FBXL22: variants seen among roughly 807,000 people sequenced by gnomAD.
FBXL22 encodes F-box and leucine-rich protein 22.
Under a neutral mutation model 11.7 loss-of-function variants are expected in FBXL22, and 13 were observed. The ratio of observed to expected loss-of-function variants is 1.11; its 90% confidence interval spans 0.73 to 1.77. The LOEUF is 1.77. FBXL22 is among the 40% of genes most tolerant of loss of function. The pLI, the probability that FBXL22 is intolerant of heterozygous loss-of-function variation, is 0.00. For synonymous variants in FBXL22, 160 were observed against 144.1 expected, an observed-to-expected ratio of 1.11 and a Z score of -0.79; for missense variants, 406 against 320.4, an observed-to-expected ratio of 1.27 and a Z score of -2.04.
At chr15:63,601,846 T>A, downstream of FBXL22, 1 of 1,073,684 alleles carries the variant, frequency 9.3e-7, no homozygotes, top group East Asian at 2.9e-5. Context: ...CAGCCCTGGC[T>A]AAGCTTTTGA....
chr15:63,602,825 G>A (rs796502539), downstream of FBXL22, among the ~76,000 whole-genome samples: 14 of 152,286 alleles, frequency 9.2e-5, no homozygotes, highest in African/African-American at 3.4e-4. Flanking sequence ...CATGGCTCAT[G>A]TGCAAGGAGA....
downstream of FBXL22, among the ~76,000 whole-genome samples, chr15:63,606,094 G>C (rs778333678): frequency 6.6e-6 from 1 of 152,190 alleles, no homozygotes; most frequent in Non-Finnish European, 1.5e-5. Context: ...GGAAGCAGAG[G>C]CTCCCAGTTC....
chr15:63,605,603 GCATAT>G (rs532373914), downstream of FBXL22, among the ~76,000 whole-genome samples: 19 of 152,322 alleles, frequency 1.2e-4, no homozygotes, highest in South Asian at 6.2e-4. Flanking sequence ...GAAGCCCAAG[GCATAT>G]CCAGGGAAGG....
chr15:63,597,850 G>C lies in FBXL22; in HGVS notation c.353+105G>C. The C allele has an allele frequency of 8.8e-7, 1 of 1,140,266 alleles. No individual in the cohort carries two copies. The highest frequency in any genetic ancestry group is 1.2e-6 in the Non-Finnish European group (1 of 825,960). The allele number at this position is 1,140,266 out of a possible 1,614,324, so 70.6% of individuals were successfully genotyped here. ...CGAGACCAAGATGGCTCCACCTTCG[G>C]GGCGCCTCAAACTAGGCCCAAGGCA... On this transcript the variant is annotated intron_variant, in intron 1 of 1. Transcript: ENST00000638704. The surrounding 1 kb of genome is among the most constrained non-coding windows in gnomAD (Gnocchi z 4.3).
At position 63,597,531 on chromosome 15, in the gene FBXL22, G is replaced by A. The variant is rs546862368; in HGVS notation, c.139G>A (p.Ala47Thr). 288 of 1,614,058 alleles carry A rather than the reference G, an allele frequency of 1.8e-4. 3 individuals are homozygous for A. In the Admixed American group the frequency reaches 3.6e-3, roughly 20 times the overall value. ...GCTCCACGACGTGTTTGAGGACCCC[G>A]CACTCTGGTCCCTGCTGCACTTCCG... ...SQLHDVFEDP[A>T]LWSLLHFRSL... The change falls in exon 1 of 2, where the codon GCA becomes ACA. Residue 47 changes from alanine to threonine, a missense_variant. By Grantham distance (58) the Ala-to-Thr change is moderately conservative. Coordinates refer to ENST00000638704, the MANE Select transcript of FBXL22 (RefSeq NM_001367807.1). The surrounding 1 kb of genome is among the most constrained non-coding windows in gnomAD (Gnocchi z 4.3).
downstream of FBXL22, among the ~76,000 whole-genome samples, chr15:63,606,062 G>A (rs1020906212): frequency 3.9e-5 from 6 of 152,206 alleles, no homozygotes; most frequent in African/African-American, 1.4e-4. Context: ...AGCCACCCCG[G>A]CTCTACCACG....
In FBXL22 at chr15:63,600,793, A is replaced by C. The variant is rs1595796368; in HGVS notation, c.450A>C (p.Ala150=). Residue 150 remains alanine, a synonymous_variant, in exon 2 of 2, where the codon GCA becomes GCC. Coordinates refer to ENST00000638704, the MANE Select transcript of FBXL22 (RefSeq NM_001367807.1). ...RLLRCCPRLR[A]LRLENCARVT... Reference sequence around the variant, plus strand: ...TGCGCTGCTGCCCACGCCTGCGCGCACTGCGCCTGGAGAACTGCGCGCGCG... The same window carrying C: ...TGCGCTGCTGCCCACGCCTGCGCGCCCTGCGCCTGGAGAACTGCGCGCGCG... 1.6e-6 allele frequency: 2 copies of C among 1,231,086 alleles called. No individual in the cohort carries two copies. Among genetic ancestry groups the C allele is most frequent in the East Asian group, 6.3e-5 (2 of 31,674 alleles). The allele number at this position is 1,231,086 out of a possible 1,614,324, so 76.3% of individuals were successfully genotyped here. A position where few individuals can be genotyped will look rare whatever the true frequency, so the allele number is the denominator to read the frequency against.
At chr15:63,602,684 G>T (rs998039899), downstream of FBXL22, among the ~76,000 whole-genome samples, 1 of 152,106 alleles carries the variant, frequency 6.6e-6, no homozygotes. Flanking sequence ...AGATTGGGGG[G>T]TGAAGCCTCT....
Position 63,597,542 on chromosome 15 carries a change from C to T in FBXL22, c.150C>T (p.Ser50=), listed in dbSNP as rs1165910566. 1 of 1,614,172 alleles carries T rather than the reference C, an allele frequency of 6.2e-7. No homozygotes were observed. The highest frequency in any genetic ancestry group is 1.1e-5 in the South Asian group (1 of 91,084). Residue 50 remains serine (S), a synonymous_variant, in exon 1 of 2, where the codon TCC becomes TCT. Coordinates refer to ENST00000638704, the MANE Select transcript of FBXL22 (RefSeq NM_001367807.1). The surrounding 1 kb of genome is among the most constrained non-coding windows in gnomAD (Gnocchi z 4.3). ...TGTTTGAGGACCCCGCACTCTGGTC[C>T]CTGCTGCACTTCCGTTCCCTCACTG... ...HDVFEDPALW[S]LLHFRSLTEL...
chr15:63,600,039 C>T (rs1020034579), intron 1 of FBXL22: 1 of 985,702 alleles, frequency 1.0e-6, no homozygotes, highest in Non-Finnish European at 1.2e-6. Context: ...TCTGGCCAAG[C>T]GACCTGGGTG....
In FBXL22 at chr15:63,597,727, T is replaced by A. The variant is rs368375969; in HGVS notation, c.335T>A (p.Leu112His). Residue 112 changes from leucine (L) to histidine (H), a missense_variant, in exon 1 of 2, where the codon CTC becomes CAC. Leu to His is a moderately conservative substitution (Grantham distance 99). Coordinates refer to ENST00000638704, the MANE Select transcript of FBXL22 (RefSeq NM_001367807.1). This position sits in a 1 kb window ranked among gnomAD's most constrained non-coding sequence, Gnocchi z 4.3. ...CACGAGAGCCTGGTCAATGATTTCC[T>A]CCTCCGGGTGTGCGACAGGTAGGCC... The part of the protein sequence containing the change: ...SRHESLVNDF[L>H]LRVCDRCPNL... The A allele has an allele frequency of 1.9e-6, 3 of 1,586,362 alleles. No homozygotes were observed. The highest frequency in any genetic ancestry group is 1.7e-6 in the Non-Finnish European group (2 of 1,162,578).
At chr15:63,608,199 G>A in the FBXL22 span, among the ~76,000 whole-genome samples, 1 of 152,116 alleles carries the variant, frequency 6.6e-6, no homozygotes, top group Non-Finnish European at 1.5e-5. Context: ...TCCATCACGT[G>A]CTCATTTTGT....
intron 1 of FBXL22, chr15:63,600,354 A>G: frequency 9.3e-7 from 1 of 1,080,846 alleles, no homozygotes; most frequent in Non-Finnish European, 1.1e-6. Context: ...TCCAGAGCGA[A>G]ACAAAGAGTC....
intron 1 of FBXL22, chr15:63,599,452 C>A: frequency 7.5e-7 from 1 of 1,329,964 alleles, no homozygotes; most frequent in Non-Finnish European, 9.6e-7. Flanking sequence ...GTTCAGACAT[C>A]TGTCCTGGGT....
chr15:63,603,037 G>T (rs562039100), downstream of FBXL22, among the ~76,000 whole-genome samples: 1 of 152,244 alleles, frequency 6.6e-6, no homozygotes, highest in South Asian at 2.1e-4. Flanking sequence ...TTTCTCACCA[G>T]ATATGCTCCC....
chr15:63,604,580 G>A (rs189780217), downstream of FBXL22, among the ~76,000 whole-genome samples: 1 of 152,332 alleles, frequency 6.6e-6, no homozygotes, highest in East Asian at 1.9e-4. Context: ...TCTCCACTCT[G>A]CCTTCTAACA....
the FBXL22 span, among the ~76,000 whole-genome samples, chr15:63,607,841 C>T: frequency 6.6e-6 from 1 of 152,154 alleles, no homozygotes; most frequent in Admixed American, 6.5e-5. Flanking sequence ...TTCCTGCACA[C>T]ACTCCAAGAG....
Position 63,600,835 on chromosome 15 carries a change from G to A in FBXL22, c.492G>A (p.Leu164=). ...GCGCGCGCGTCACCAACCGCACGTT[G>A]GCTGCCGTGGCGGCGGACGGGCGCG... ...ENCARVTNRT[L]AAVAADGRAL... The change falls in exon 2 of 2, where the codon TTG becomes TTA. Residue 164 remains leucine (L), a synonymous_variant. Coordinates refer to ENST00000638704, the MANE Select transcript of FBXL22 (RefSeq NM_001367807.1). 8.1e-7 allele frequency: 1 copy of A among 1,230,498 alleles called. No individual in the cohort carries two copies. The highest frequency in any genetic ancestry group is 1.0e-6 in the Non-Finnish European group (1 of 987,150). 76.2% of individuals were successfully genotyped at this position (1,230,498 alleles called of 1,614,324 possible).
At chr15:63,601,798 G>T, downstream of FBXL22, 1 of 1,333,722 alleles carries the variant, frequency 7.5e-7, no homozygotes. Flanking sequence ...TGATTTGGAA[G>T]AAAAAAAAAG....
Sources: allele counts gnomAD v4.1 joint callset (sites outside exome capture counted in the v4.1 genomes callset), GRCh38; gene constraint gnomAD v4.1.1; non-coding constraint Gnocchi (gnomAD v3.1); transcripts MANE v1.5; gene names NCBI Gene and HGNC (gene_info 2026-07-23, HGNC 2026-07-21).